Variants in CSMD1 observed in about 807,000 individuals in gnomAD.
The protein encoded by CSMD1 is CUB and Sushi multiple domains 1.
CSMD1 carries 213 observed loss-of-function variants against 417.5 expected under a neutral mutation model. The ratio of observed to expected loss-of-function variants is 0.51; its 90% confidence interval spans 0.46 to 0.57. The LOEUF (loss-of-function observed/expected upper bound fraction) is 0.57. CSMD1 is among the 20% of genes least tolerant of loss of function. CSMD1 has a pLI of 0.00. For missense variants in CSMD1, 6,923 were observed against 4,529.7 expected, an observed-to-expected ratio of 1.53 and a Z score of -15.17; for synonymous variants, 2,862 against 1,736.8, an observed-to-expected ratio of 1.65 and a Z score of -16.11.
At chr8:4,389,340 G>A (rs1259250737) in intron 3 of CSMD1, among the ~76,000 whole-genome samples, 2 of 152,104 alleles carry the variant, frequency 1.3e-5, no homozygotes, top group African/African-American at 4.8e-5. Flanking sequence ...CTTGGTGAGT[G>A]TAAAGAGCTG....
intron 3 of CSMD1, among the ~76,000 whole-genome samples, chr8:4,173,534 G>A (rs1244403353): frequency 1.3e-5 from 2 of 152,082 alleles, no homozygotes; most frequent in East Asian, 1.9e-4. Context: ...TCCTCTTGTG[G>A]TTTACAAGAA....
chr8:4,941,630 G>C (rs1370478524), intron 1 of CSMD1, among the ~76,000 whole-genome samples: 1 of 146,454 alleles, frequency 6.8e-6, no homozygotes, highest in Non-Finnish European at 1.5e-5. Context: ...ACAGAGCCTT[G>C]CACTGTCACC....
chr8:3,106,803 T>C, intron 45 of CSMD1, 162 bp from the exon 46 acceptor site: 1 of 490,894 alleles, frequency 2.0e-6, no homozygotes, highest in Non-Finnish European at 3.7e-6. Context: ...AATACCGTTT[T>C]AAGTTCTTAA....
In CSMD1 at chr8:4,423,129, C is replaced by G. The variant is rs116133508; in HGVS notation, c.303-3064G>C. ...GAAGACTGAATGCTTCTGCCTAAGA[C>G]TGGAAACAAGTCAAGAAATTTGAAC... On this transcript the variant is annotated intron_variant, in intron 2 of 69. Coordinates refer to ENST00000635120, the MANE Select transcript of CSMD1 (RefSeq NM_033225.6). Among the ~76,000 whole-genome samples, 15 of 152,124 alleles carry G rather than the reference C, an allele frequency of 9.9e-5. 1 individual carries two copies. In the East Asian group the frequency reaches 2.9e-3, roughly 29 times the overall value.
chr8:3,624,077 T>A (rs1158275104), intron 7 of CSMD1, among the ~76,000 whole-genome samples: 2 of 152,190 alleles, frequency 1.3e-5, no homozygotes, highest in African/African-American at 2.4e-5. Context: ...AGAGACACTT[T>A]TGGTTAATAA....
chr8:4,601,991 G>C (rs577660897), intron 2 of CSMD1, among the ~76,000 whole-genome samples: 2 of 152,218 alleles, frequency 1.3e-5, no homozygotes, highest in East Asian at 1.9e-4. Flanking sequence ...CTCTCTGAAA[G>C]CTTTTATCTT....
In CSMD1 at chr8:3,656,744, G is replaced by A. The variant is rs142293065; in HGVS notation, c.1010-39947C>T. The stretch of plus-strand genomic sequence containing the variant: ...AGTCCGAGACCAGCCTGGCTAACAT[G>A]GCGAAACCCCATCTCTACTAAAAAT... On this transcript the variant is annotated intron_variant, in intron 7 of 69. Transcript: ENST00000635120. Among the ~76,000 whole-genome samples, 166 of 152,212 alleles carry A rather than the reference G, an allele frequency of 1.1e-3. 1 individual carries two copies. Among genetic ancestry groups the A allele is most frequent in the African/African-American group, 3.9e-3 (164 of 41,536 alleles).
intron 3 of CSMD1, among the ~76,000 whole-genome samples, chr8:4,186,834 G>GAA (rs11406651): frequency 0.56 from 80,540 of 144,846 alleles, 24,081 homozygotes; most frequent in South Asian, 0.75. Context: ...TAAAAATACA[G>GAA]AAAAAAAAAA....
chr8:3,286,421 G>A (rs1481723280), intron 25 of CSMD1, among the ~76,000 whole-genome samples: 1 of 152,064 alleles, frequency 6.6e-6, no homozygotes, highest in East Asian at 1.9e-4. Flanking sequence ...CACAATGGTT[G>A]AACTAGTTTA....
intron 2 of CSMD1, among the ~76,000 whole-genome samples, chr8:4,598,533 G>C (rs562265829): frequency 1.3e-3 from 197 of 152,262 alleles, no homozygotes; most frequent in African/African-American, 4.6e-3. Context: ...TAGTTACAAT[G>C]TATCTGCCAA....
intron 6 of CSMD1, among the ~76,000 whole-genome samples, chr8:3,735,401 TA>T (rs1796480436): frequency 6.6e-6 from 1 of 152,180 alleles, no homozygotes; most frequent in South Asian, 2.1e-4. Flanking sequence ...CTGTATAATT[TA>T]CAAAATCCTT....
intron 10 of CSMD1, among the ~76,000 whole-genome samples, chr8:3,554,589 G>C (rs539340785): frequency 3.3e-5 from 5 of 152,334 alleles, no homozygotes; most frequent in African/African-American, 9.6e-5. Flanking sequence ...CCTCTAACAA[G>C]GCACAGCATG....
chr8:4,871,128 C>A (rs1424888217), intron 1 of CSMD1, among the ~76,000 whole-genome samples: 3 of 152,116 alleles, frequency 2.0e-5, no homozygotes, highest in African/African-American at 7.3e-5. Context: ...GAGATAGGTG[C>A]AGCCGTGATG....
intron 5 of CSMD1, among the ~76,000 whole-genome samples, chr8:3,912,433 G>A (rs1426933155): frequency 1.3e-5 from 2 of 152,168 alleles, no homozygotes; most frequent in Non-Finnish European, 2.9e-5. Context: ...TTTCTACTTA[G>A]AGTAGACCAG....
rs758237286 is a variant in CSMD1 at position 3,409,614 on chromosome 8, G to T, written c.1562-9C>A. The T allele has an allele frequency of 6.4e-7, 1 of 1,563,690 alleles. No homozygotes were observed. Among genetic ancestry groups the T allele is most frequent in the Non-Finnish European group, 8.7e-7 (1 of 1,149,820 alleles). ...CCCTCCCTTTTCAATTTCTGAAAAT[G>T]GAAAAACAAATGAACCCTTAAAAAA... On this transcript the variant is annotated splice_polypyrimidine_tract_variant and intron_variant, in intron 12 of 69. Transcript: ENST00000635120.
At chr8:3,977,020 G>C (rs1324879486) in intron 5 of CSMD1, among the ~76,000 whole-genome samples, 1 of 152,178 alleles carries the variant, frequency 6.6e-6, no homozygotes, top group Non-Finnish European at 1.5e-5. Flanking sequence ...GGTGCCTGCA[G>C]GGAATGGGTG....
intron 2 of CSMD1, among the ~76,000 whole-genome samples, chr8:4,424,262 A>C (rs902244821): frequency 3.3e-5 from 5 of 152,056 alleles, no homozygotes; most frequent in African/African-American, 1.2e-4. Context: ...TATGCTGCAG[A>C]CTGGGAAAAC....
rs566696878 is a variant in CSMD1, at chr8:4,000,935, G to C, written c.611-2825C>G. 6.6e-5 allele frequency among the ~76,000 whole-genome samples: 10 copies of C among 152,026 alleles called. No individual in the cohort carries two copies. In the South Asian group the frequency reaches 1.9e-3, roughly 28 times the overall value. ...AAGTCCACGTTACCAAAATGATGTA[G>C]TTGAAAGATTAATGACATATTAATT... On this transcript the variant is annotated intron_variant, in intron 4 of 69. Transcript: ENST00000635120.
At chr8:4,025,126 G>A (rs1288893412) in intron 4 of CSMD1, among the ~76,000 whole-genome samples, 1 of 152,228 alleles carries the variant, frequency 6.6e-6, no homozygotes, top group Non-Finnish European at 1.5e-5. Context: ...GGCTGCAAGA[G>A]ATGTTGAGAC....
Sources: allele counts gnomAD v4.1 joint callset (sites outside exome capture counted in the v4.1 genomes callset), GRCh38; gene constraint gnomAD v4.1.1; transcripts MANE v1.5; gene names NCBI Gene and HGNC (gene_info 2026-07-23, HGNC 2026-07-21).